NBPF11: variants seen among roughly 807,000 people sequenced by gnomAD.
NBPF11 encodes the protein NBPF member 11.
In NBPF11, 72 loss-of-function variants were observed where a neutral mutation model predicts 93.9. That is an observed-to-expected ratio of 0.77 (90% confidence interval 0.63 to 0.93). The LOEUF (loss-of-function observed/expected upper bound fraction) is 0.93. Among genes scored for constraint, NBPF11 ranks in the 40% least tolerant of loss-of-function variants. The pLI, the probability that NBPF11 is intolerant of heterozygous loss-of-function variation, is 0.00. For missense variants in NBPF11, 705 were observed against 802.2 expected, an observed-to-expected ratio of 0.88 and a Z score of 1.46; for synonymous variants, 224 against 304.9, an observed-to-expected ratio of 0.73 and a Z score of 2.76.
At position 148,121,062 on chromosome 1, in the gene NBPF11, T is replaced by G. The variant is rs1293785211; in HGVS notation, c.779-352A>C. On this transcript the variant is annotated intron_variant, in intron 9 of 23. Transcript: ENST00000682118. ...CTTTTTTGGTTTTTTGTTTTCTGTT[T>G]GAGACGGAGTCTCACTCTGTCGCGC... 8.8e-4 allele frequency among the ~76,000 whole-genome samples: 133 copies of G among 151,842 alleles called. 1 individual carries two copies. The highest frequency in any genetic ancestry group is 1.1e-3 in the Non-Finnish European group (75 of 68,028).
intron 1 of NBPF11, among the ~76,000 whole-genome samples, chr1:148,147,520 C>T (rs1242348808): frequency 6.6e-6 from 1 of 152,122 alleles, no homozygotes; most frequent in South Asian, 2.1e-4. Context: ...GTTTGAGCAG[C>T]GCCCGGGCCA....
chr1:148,112,154 A>G (rs1665438965), intron 15 of NBPF11, among the ~76,000 whole-genome samples: 1 of 143,322 alleles, frequency 7.0e-6, no homozygotes, highest in Non-Finnish European at 1.5e-5. Context: ...GTGTGTATGT[A>G]TATATATATA....
chr1:148,114,728 GAGTCAA>G (rs1666064965), intron 14 of NBPF11, among the ~76,000 whole-genome samples: 1 of 132,376 alleles, frequency 7.6e-6, no homozygotes, highest in Non-Finnish European at 1.6e-5. Context: ...TTCCCTGCCT[GAGTCAA>G]AGTTAAACAA....
In NBPF11 at chr1:148,108,576, T is replaced by G. The variant is rs1475175306; in HGVS notation, c.1932A>C (p.Ser644=). The part of the protein sequence containing the change: ...DSLDRCYSTP[S]VYLGLTDSCQ... Reference sequence around the variant, plus strand: ...ATGAGTCAGTCAGTCCAAGATAAACTGAAGGAGTTGAATAACATCTATCCA... The same window carrying G: ...ATGAGTCAGTCAGTCCAAGATAAACGGAAGGAGTTGAATAACATCTATCCA... Residue 644 remains serine, a synonymous_variant, in exon 18 of 24, where the codon TCA becomes TCC. Coordinates refer to ENST00000682118, the MANE Select transcript of NBPF11 (RefSeq NM_001385469.3). The G allele has an allele frequency of 1.9e-5, 30 of 1,591,012 alleles. No homozygotes were observed. The highest frequency in any genetic ancestry group is 2.6e-5 in the Non-Finnish European group (30 of 1,161,830).
rs1283807479 is a variant in NBPF11, at chr1:148,138,246, TA to T, written c.-276-438del. ...CTAAGGCGGTTTTCTCCTATCTCAG[TA>T]GATGGAATATACAATCGGGCTTTAC... On this transcript the variant is annotated intron_variant, in intron 2 of 23. Coordinates refer to ENST00000682118, the MANE Select transcript of NBPF11 (RefSeq NM_001385469.3). 4.6e-5 allele frequency among the ~76,000 whole-genome samples: 7 copies of T among 150,660 alleles called. No homozygotes were observed. In the East Asian group the frequency reaches 1.4e-3, roughly 30 times the overall value.
chr1:148,105,975 A>G (rs2149167845), intron 21 of NBPF11, among the ~76,000 whole-genome samples: 2 of 145,798 alleles, frequency 1.4e-5, no homozygotes, highest in South Asian at 4.6e-4. Context: ...AGTCTGGTCC[A>G]CCTGCAGTAG....
At chr1:148,137,542 C>A (rs1473462543) in intron 3 of NBPF11, among the ~76,000 whole-genome samples, 169 bp downstream of exon 3, 1 of 151,552 alleles carries the variant, frequency 6.6e-6, no homozygotes, top group African/African-American at 2.4e-5. Context: ...TGGTTTCAAA[C>A]CACTGGTTTG....
rs1426547450 is a variant in NBPF11 at position 148,127,791 on chromosome 1, C to T, written c.-35-753G>A. Among the ~76,000 whole-genome samples, 14 of 149,012 alleles carry T rather than the reference C, an allele frequency of 9.4e-5. No individual in the cohort carries two copies. In the East Asian group the frequency reaches 1.2e-3, roughly 13 times the overall value. On this transcript the variant is annotated intron_variant, in intron 4 of 23. Transcript: ENST00000682118. Reference sequence around the variant, plus strand: ...CCAAGTAGCTGGGAATACAGGCGCCCGCCACCACGCCCGGCTAATTTTTCT... The same window carrying T: ...CCAAGTAGCTGGGAATACAGGCGCCTGCCACCACGCCCGGCTAATTTTTCT...
At chr1:148,146,131 TGGGGCCCG>T (rs1236362763) in intron 1 of NBPF11, among the ~76,000 whole-genome samples, 1 of 150,264 alleles carries the variant, frequency 6.7e-6, no homozygotes, top group Non-Finnish European at 1.5e-5. Context: ...AGCGCGGCCC[TGGGGCCCG>T]GGGGCGCGGG....
rs2149306706 is a variant in NBPF11, at chr1:148,146,498, A to T, written c.-548-2812T>A. ...GCCTTCCTGCCGCCGGAGGCCACCT[A>T]CTCCCTGGTGCCTGAGCCCGAGCTG... is the stretch of plus-strand genomic sequence containing the variant. On this transcript the variant is annotated intron_variant, in intron 1 of 23. Transcript: ENST00000682118. The T allele has an allele frequency of 2.6e-5, 41 of 1,602,742 alleles. No individual in the cohort carries two copies. The East Asian group carries it at 8.9e-4, about 35-fold the overall frequency.
intron 1 of NBPF11, among the ~76,000 whole-genome samples, chr1:148,149,835 T>C (rs1397421050): frequency 1.4e-5 from 2 of 146,774 alleles, no homozygotes; most frequent in Non-Finnish European, 3.0e-5. Flanking sequence ...AGAGGACATA[T>C]AAATGGCAAT....
chr1:148,140,741 G>A (rs1429037649), intron 2 of NBPF11, among the ~76,000 whole-genome samples: 2 of 151,848 alleles, frequency 1.3e-5, no homozygotes, highest in East Asian at 3.9e-4. Context: ...ACACAAAACG[G>A]TGAACACACC....
intron 4 of NBPF11, among the ~76,000 whole-genome samples, chr1:148,134,818 A>G (rs1454414965): frequency 1.3e-5 from 2 of 151,860 alleles, no homozygotes; most frequent in South Asian, 2.1e-4. Context: ...AATAGAAGAG[A>G]TGCTCACAGA....
chr1:148,127,957 C>T (rs1669511658), intron 4 of NBPF11, among the ~76,000 whole-genome samples: 1 of 151,644 alleles, frequency 6.6e-6, no homozygotes, highest in Non-Finnish European at 1.5e-5. Flanking sequence ...ACACGGCCGA[C>T]TTCTCTTTAC....
chr1:148,139,050 C>T (rs1369695374), intron 2 of NBPF11, among the ~76,000 whole-genome samples: 13 of 150,952 alleles, frequency 8.6e-5, no homozygotes, highest in Admixed American at 1.3e-4. Context: ...GAGATGGCGC[C>T]GTTGCATTCG....
intron 1 of NBPF11, chr1:148,146,708 G>A (rs1183195911): frequency 2.5e-5 from 41 of 1,611,842 alleles, no homozygotes; most frequent in Middle Eastern, 2.2e-4. Flanking sequence ...ATGTATGTTC[G>A]CTGCGTGCCT....
intron 4 of NBPF11, among the ~76,000 whole-genome samples, chr1:148,128,053 T>G (rs1471178783): frequency 1.3e-5 from 2 of 148,468 alleles, no homozygotes; most frequent in African/African-American, 5.1e-5. Flanking sequence ...TCCTATTGAT[T>G]GTATGATTAT....
chr1:148,132,348 A>C (rs1670537747), intron 4 of NBPF11, among the ~76,000 whole-genome samples: 1 of 103,378 alleles, frequency 9.7e-6, no homozygotes, highest in Admixed American at 9.8e-5. Context: ...CCACTGATAT[A>C]TATTCTATTT....
At chr1:148,121,778 A>T (rs1667927870) in intron 9 of NBPF11, among the ~76,000 whole-genome samples, 1 of 151,982 alleles carries the variant, frequency 6.6e-6, no homozygotes, top group African/African-American at 2.4e-5. Flanking sequence ...AGCAGTTGGG[A>T]CTATAGGCGG....
Sources: gnomAD v4.1 joint callset for allele counts (sites outside exome capture counted in the v4.1 genomes callset) on GRCh38, gnomAD v4.1.1 for gene constraint, MANE v1.5 for transcripts, NCBI Gene and HGNC (gene_info 2026-07-23, HGNC 2026-07-21) for gene names.